WNK2: variants seen among roughly 807,000 people sequenced by gnomAD.
WNK2 encodes serine/threonine-protein kinase WNK2.
WNK2 carries 67 observed loss-of-function variants against 192.1 expected under a neutral mutation model. The ratio of observed to expected loss-of-function variants is 0.35; its 90% CI spans 0.29 to 0.43. The LOEUF is 0.43. WNK2 is among the 20% of genes least tolerant of loss of function. The pLI, the probability that WNK2 is intolerant of heterozygous loss-of-function variation, is 1.00. For synonymous variants in WNK2, 1,439 were observed against 1,393.9 expected, an observed-to-expected ratio of 1.03 and a Z score of -0.72; for missense variants, 2,698 against 3,089.7, an observed-to-expected ratio of 0.87 and a Z score of 3.01.
chr9:93,190,173 T>C (rs1260603182), intron 2 of WNK2, among the ~76,000 whole-genome samples: 1 of 152,226 alleles, frequency 6.6e-6, no homozygotes, highest in African/African-American at 2.4e-5. Context: ...GCTAGCTCCC[T>C]GAAAGGCCTG....
chr9:93,195,638 G>C (rs1438702025), intron 2 of WNK2, among the ~76,000 whole-genome samples: 1 of 132,906 alleles, frequency 7.5e-6, no homozygotes, highest in Non-Finnish European at 1.5e-5. Flanking sequence ...GGTGGAGGTT[G>C]CAGTGAGCCA....
At chr9:93,318,571 G>A (rs774762460) in intron 29 of WNK2, 4 of 1,612,910 alleles carry the variant, frequency 2.5e-6, no homozygotes, top group South Asian at 1.1e-5. Flanking sequence ...GATAAGGTGT[G>A]TGTTGGGCAT....
In WNK2 at chr9:93,257,099, C is replaced by T. The variant is rs763992426; in HGVS notation, c.2342C>T (p.Pro781Leu). ...GCTCAGCTGAAGCCCCTCCAGATGC[C>T]ACAGGCGCCCCTGCAGCCGCTTGCT... ...APAQLKPLQM[P>L]QAPLQPLAQV... is the part of the protein sequence containing the mutation. The change falls in exon 11 of 30, where the codon CCA becomes CTA. Residue 781 changes from proline (P) to leucine (L), a missense_variant. Coordinates refer to ENST00000427277, the MANE Select transcript of WNK2 (RefSeq NM_006648.4). The surrounding 1 kb of genome is among the most constrained non-coding windows in gnomAD (Gnocchi z 4.7). 2 of 1,608,798 alleles carry T rather than the reference C, an allele frequency of 1.2e-6. No homozygotes were observed. Among genetic ancestry groups the T allele is most frequent in the East Asian group, 2.2e-5 (1 of 44,790 alleles).
At chr9:93,292,440 C>T (rs761644287) in intron 22 of WNK2, 44 bp downstream of exon 22, 1 of 1,613,746 alleles carries the variant, frequency 6.2e-7, no homozygotes, top group Non-Finnish European at 8.5e-7. Flanking sequence ...GCAGGGTTTG[C>T]TCTGTGCTGA....
chr9:93,247,822 A>G lies in WNK2; in HGVS notation c.1822A>G (p.Thr608Ala). Reference sequence around the variant, plus strand: ...GCCACCTACGTTGCCGACCAGCGCCACCTCCCTGGCCTGTGAGTGCTCAGG... The same window carrying G: ...GCCACCTACGTTGCCGACCAGCGCCGCCTCCCTGGCCTGTGAGTGCTCAGG... ...LLPPTLPTSATSLASDSTFDS... is the reference protein window; with the variant it reads ...LLPPTLPTSAASLASDSTFDS... Residue 608 changes from threonine to alanine, a missense_variant, in exon 8 of 30, where the codon ACC becomes GCC. Physicochemically the swap from Thr to Ala is moderately conservative, Grantham distance 58 (BLOSUM62 0). Coordinates refer to ENST00000427277, the MANE Select transcript of WNK2 (RefSeq NM_006648.4). The surrounding 1 kb of genome is among the most constrained non-coding windows in gnomAD (Gnocchi z 5.2). 2.0e-6 allele frequency: 3 copies of G among 1,537,432 alleles called. No homozygotes were observed. Among genetic ancestry groups the G allele is most frequent in the South Asian group, 1.2e-5 (1 of 83,938 alleles).
chr9:93,194,676 C>T (rs1447790212), intron 2 of WNK2, among the ~76,000 whole-genome samples: 2 of 152,196 alleles, frequency 1.3e-5, no homozygotes, highest in Non-Finnish European at 2.9e-5. Flanking sequence ...CACACTCTTA[C>T]TATGCAATCC....
Position 93,247,539 on chromosome 9 carries a change from A to T in WNK2, c.1543-4A>T, listed in dbSNP as rs377335854. On this transcript the variant is annotated splice_polypyrimidine_tract_variant and splice_region_variant and intron_variant, in intron 7 of 29. Transcript: ENST00000427277. The surrounding 1 kb of genome is among the most constrained non-coding windows in gnomAD (Gnocchi z 5.2). ...CGATGCTGACAACATGACTGCCTTT[A>T]CAGATTGAGTCTGGATTCTTCCACG... The T allele has an allele frequency of 6.2e-7, 1 of 1,608,800 alleles. No individual in the cohort carries two copies. Among genetic ancestry groups the T allele is most frequent in the East Asian group, 2.2e-5 (1 of 44,750 alleles).
chr9:93,319,963 TG>T (rs1425191207), intron 29 of WNK2, among the ~76,000 whole-genome samples: 1 of 152,116 alleles, frequency 6.6e-6, no homozygotes, highest in East Asian at 1.9e-4. Context: ...CGGTCCACTG[TG>T]GGGGCTGCCT....
intron 23 of WNK2, among the ~76,000 whole-genome samples, chr9:93,295,203 C>T (rs113550468): frequency 5.4e-4 from 82 of 152,222 alleles, no homozygotes; most frequent in African/African-American, 1.6e-3. Context: ...TCTGGGACCG[C>T]GGGAGCTGGA....
intron 28 of WNK2, among the ~76,000 whole-genome samples, chr9:93,314,278 G>A (rs756470538): frequency 2.0e-5 from 3 of 151,558 alleles, no homozygotes; most frequent in Non-Finnish European, 4.4e-5. Context: ...GCAAAAGTCC[G>A]TCTCAAATAA....
chr9:93,308,479 G>A lies in WNK2; in HGVS notation c.6411G>A (p.Val2137=), dbSNP rs761163612. The A allele has an allele frequency of 2.5e-6, 4 of 1,609,394 alleles. 1 individual carries two copies. The highest frequency in any genetic ancestry group is 2.2e-5 in the East Asian group (1 of 44,678). ...TGGACGAGTGGACGAGCAAGACGGT[G>A]GGGGCCGCGCAGCTGAAGCCCACGC... ...KLVDEWTSKT[V]GAAQLKPTLN... Residue 2137 remains valine (V), a synonymous_variant, in exon 28 of 30, where the codon GTG becomes GTA. Coordinates refer to ENST00000427277, the MANE Select transcript of WNK2 (RefSeq NM_006648.4).
At position 93,253,007 on chromosome 9, in the gene WNK2, C is replaced by G. The variant is rs1335533375; in HGVS notation, c.1959C>G (p.Ser653Arg). ...AAPSPAQCVC[S>R]PPVSEGPVLP... ...CGTCCCCGGCCCAGTGTGTGTGCAG[C>G]CCCCCTGTGAGCGAGGGGCCCGTCC... The change falls in exon 9 of 30, where the codon AGC becomes AGG. Residue 653 changes from serine (S) to arginine (R), a missense_variant. By Grantham distance (110) the Ser-to-Arg change is moderately radical. Transcript: ENST00000427277. 6 of 1,558,142 alleles carry G rather than the reference C, an allele frequency of 3.9e-6. No homozygotes were observed. In the South Asian group the frequency reaches 7.1e-5, roughly 18 times the overall value.
intron 16 of WNK2, 50 bp downstream of exon 16, chr9:93,264,083 T>C: frequency 7.1e-7 from 1 of 1,408,508 alleles, no homozygotes; most frequent in Non-Finnish European, 9.9e-7. Context: ...TGGACACGTG[T>C]GGGCCTGAGC....
intron 2 of WNK2, among the ~76,000 whole-genome samples, chr9:93,211,475 C>T (rs1471263314): frequency 2.7e-5 from 4 of 145,662 alleles, no homozygotes; most frequent in Non-Finnish European, 6.2e-5. Context: ...CACTCCCATC[C>T]ACTCACTCAC....
rs760150231 is a variant in WNK2 at position 93,259,091 on chromosome 9, C to T, written c.2543C>T (p.Pro848Leu). The T allele has an allele frequency of 1.2e-6, 2 of 1,613,138 alleles. No homozygotes were observed. The highest frequency in any genetic ancestry group is 2.2e-5 in the East Asian group (1 of 44,862). ...VILPSLAAPL[P>L]PASPALPLQA... The stretch of plus-strand genomic sequence containing the variant: ...TTGCCGAGCCTCGCTGCCCCACTCC[C>T]CCCTGCGTCCCCAGCCTTGCCTCTG... Residue 848 changes from proline to leucine, a missense_variant, in exon 12 of 30, where the codon CCC becomes CTC. Around this residue, in one of 7 missense-constraint regions of WNK2, gnomAD observed 893 missense variants for 909.0 expected, o/e 0.98. Coordinates refer to ENST00000427277, the MANE Select transcript of WNK2 (RefSeq NM_006648.4). The surrounding 1 kb of genome is among the most constrained non-coding windows in gnomAD (Gnocchi z 4.8).
chr9:93,306,482 T>C (rs572475252), intron 26 of WNK2, among the ~76,000 whole-genome samples: 2 of 152,278 alleles, frequency 1.3e-5, no homozygotes, highest in East Asian at 1.9e-4. Flanking sequence ...TTTCTTTTCT[T>C]TTTTCTTTCT....
Position 93,257,543 on chromosome 9 carries a change from A to G in WNK2, c.2382+404A>G, listed in dbSNP as rs1163390761. Reference sequence around the variant, plus strand: ...CAAGGTGCCCATCTGCCCTCAGCTTACCCATGTGCCCAGGCTCATCCAGGA... The same window carrying G: ...CAAGGTGCCCATCTGCCCTCAGCTTGCCCATGTGCCCAGGCTCATCCAGGA... On this transcript the variant is annotated intron_variant, in intron 11 of 29. Coordinates refer to ENST00000427277, the MANE Select transcript of WNK2 (RefSeq NM_006648.4). The surrounding 1 kb of genome is among the most constrained non-coding windows in gnomAD (Gnocchi z 4.7). 1.3e-5 allele frequency among the ~76,000 whole-genome samples: 2 copies of G among 152,266 alleles called. No individual in the cohort carries two copies. The highest frequency in any genetic ancestry group is 3.9e-4 in the East Asian group (2 of 5,184).
intron 2 of WNK2, among the ~76,000 whole-genome samples, chr9:93,198,957 G>C (rs748849675): frequency 2.6e-5 from 4 of 152,198 alleles, no homozygotes; most frequent in Admixed American, 1.3e-4. Flanking sequence ...GCCTGGGTCA[G>C]ACCCACTTGT....
intron 23 of WNK2, among the ~76,000 whole-genome samples, chr9:93,294,953 A>G (rs576633364): frequency 7.2e-5 from 11 of 152,174 alleles, no homozygotes; most frequent in Non-Finnish European, 1.3e-4. Flanking sequence ...TTGGCATCTG[A>G]TAGGCAGTAG....
Sources: allele counts gnomAD v4.1 joint callset (sites outside exome capture counted in the v4.1 genomes callset), GRCh38; gene constraint gnomAD v4.1.1; regional missense constraint gnomAD v4.1.1; non-coding constraint Gnocchi (gnomAD v3.1); transcripts MANE v1.5; gene names NCBI Gene and HGNC (gene_info 2026-07-23, HGNC 2026-07-21).